CACNA1B: variants seen among roughly 807,000 people sequenced by gnomAD.
CACNA1B encodes the protein calcium voltage-gated channel subunit alpha1 B, also known as voltage-dependent N-type calcium channel subunit alpha-1B.
In CACNA1B, 70 loss-of-function variants were observed where a neutral mutation model predicts 247.2. The ratio of observed to expected loss-of-function variants is 0.28; its 90% CI spans 0.23 to 0.35. CACNA1B has a LOEUF of 0.35. Among genes scored for constraint, CACNA1B ranks in the 10% least tolerant of loss-of-function variants. The pLI, the probability that CACNA1B is intolerant of heterozygous loss-of-function variation, is 1.00. For missense variants in CACNA1B, 2,367 were observed against 3,197.4 expected (o/e 0.74, Z 6.26); for synonymous variants, 1,231 against 1,294.4 (o/e 0.95, Z 1.05).
chr9:137,900,738 CTG>C (rs1306370485), intron 3 of CACNA1B, among the ~76,000 whole-genome samples: 3 of 144,644 alleles, frequency 2.1e-5, no homozygotes, highest in African/African-American at 7.8e-5. Context: ...GTCTCTGTGT[CTG>C]TGCTGTGTGT....
chr9:137,878,756 G>A (rs1448689622), intron 1 of CACNA1B, among the ~76,000 whole-genome samples: 1 of 152,142 alleles, frequency 6.6e-6, no homozygotes, highest in African/African-American at 2.4e-5. Context: ...CCTCCCCTCG[G>A]GGCCCTGGAG....
chr9:138,030,893 T>C (rs1958980042), intron 20 of CACNA1B, among the ~76,000 whole-genome samples: 1 of 152,172 alleles, frequency 6.6e-6, no homozygotes, highest in Admixed American at 6.5e-5. Flanking sequence ...TAGTGGTAAC[T>C]TGTGTCTCAT....
Position 137,914,924 on chromosome 9 carries a change from C to A in CACNA1B, c.775+118C>A. 1 of 1,089,434 alleles carries A rather than the reference C, an allele frequency of 9.2e-7. No individual in the cohort carries two copies. Among genetic ancestry groups the A allele is most frequent in the South Asian group, 1.8e-5 (1 of 55,890 alleles). The allele number at this position is 1,089,434 out of a possible 1,614,324, so 67.5% of individuals were successfully genotyped here. On this transcript the variant is annotated intron_variant, in intron 5 of 46. Coordinates refer to ENST00000371372, the MANE Select transcript of CACNA1B (RefSeq NM_000718.4). This position sits in a 1 kb window ranked among gnomAD's most constrained non-coding sequence, Gnocchi z 4.3. Reference sequence around the variant, plus strand: ...TTGGTGCCAGATACATGAGGTGGAGCTGACATTCTAGTGGGGGACATAGAC... The same window carrying A: ...TTGGTGCCAGATACATGAGGTGGAGATGACATTCTAGTGGGGGACATAGAC...
intron 36 of CACNA1B, among the ~76,000 whole-genome samples, chr9:138,086,354 T>G (rs1482851537): frequency 6.6e-6 from 1 of 151,018 alleles, no homozygotes; most frequent in Non-Finnish European, 1.5e-5. Context: ...CAAAGCAGGC[T>G]TTAAGTCAAA....
At chr9:138,103,713 G>A (rs975989954) in intron 38 of CACNA1B, among the ~76,000 whole-genome samples, 5 of 152,246 alleles carry the variant, frequency 3.3e-5, no homozygotes, top group Non-Finnish European at 1.5e-5. Flanking sequence ...AACGGCCTGT[G>A]GTTCAGCCAA....
chr9:138,058,957 G>T lies in CACNA1B; in HGVS notation c.4474-122G>T. The stretch of plus-strand genomic sequence containing the variant: ...GGAGGACTCGGGGAGAGCAGGAAGG[G>T]GTGTCCCAGGCCTAGGCAGGCATCG... On this transcript the variant is annotated intron_variant, in intron 29 of 46. Coordinates refer to ENST00000371372, the MANE Select transcript of CACNA1B (RefSeq NM_000718.4). This position sits in a 1 kb window ranked among gnomAD's most constrained non-coding sequence, Gnocchi z 4.7. The T allele has an allele frequency of 1.4e-6, 1 of 720,060 alleles. No homozygotes were observed. The highest frequency in any genetic ancestry group is 2.7e-5 in the East Asian group (1 of 36,870). 44.6% of individuals were successfully genotyped at this position (720,060 alleles called of 1,614,324 possible).
At chr9:138,043,969 A>C in intron 21 of CACNA1B, 69 bp downstream of exon 21, 4 of 1,564,004 alleles carry the variant, frequency 2.6e-6, no homozygotes, top group Non-Finnish European at 3.5e-6. Context: ...GTGGGATCTC[A>C]GTAGCCAGCG....
rs140374106 is a variant in CACNA1B, at chr9:138,058,064, C to T, written c.4122C>T (p.Ser1374=). 876 of 1,613,764 alleles carry T rather than the reference C, an allele frequency of 5.4e-4. 12 individuals carry two copies. The East Asian group carries it at 0.018, about 33-fold the overall frequency. The change falls in exon 28 of 47, where the codon TCC becomes TCT. Residue 1374 remains serine, a synonymous_variant. Transcript: ENST00000371372. This position sits in a 1 kb window ranked among gnomAD's most constrained non-coding sequence, Gnocchi z 4.7. ...CTTTGCCCAGGGTGCTGAAACACTC[C>T]GTGGATGCCACCTATGAGGAGCAGG... ...GEGWPMVLKH[S]VDATYEEQGP...
chr9:138,121,025 G>T lies in CACNA1B; in HGVS notation c.6489+144G>T. 1.0e-6 allele frequency: 1 copy of T among 968,862 alleles called. No individual in the cohort carries two copies. The highest frequency in any genetic ancestry group is 1.5e-6 in the Non-Finnish European group (1 of 668,854). The allele number at this position is 968,862 out of a possible 1,614,324, so 60.0% of individuals were successfully genotyped here. A position where few individuals can be genotyped will look rare whatever the true frequency, so the allele number is the denominator to read the frequency against. On this transcript the variant is annotated intron_variant, in intron 46 of 46. Transcript: ENST00000371372. This position sits in a 1 kb window ranked among gnomAD's most constrained non-coding sequence, Gnocchi z 6.8. ...ACCCAAGGGCCGGGCGCTCCCCTCT[G>T]TGCCCTGTCCCGGAGCCCACGTCTG...
intron 31 of CACNA1B, among the ~76,000 whole-genome samples, chr9:138,063,272 C>G (rs767779681): frequency 6.6e-6 from 1 of 152,170 alleles, no homozygotes; most frequent in Non-Finnish European, 1.5e-5. Context: ...GTAGAAAGAT[C>G]ACTTCAGCCT....
intron 15 of CACNA1B, among the ~76,000 whole-genome samples, chr9:138,005,844 C>T (rs1958640884): frequency 6.6e-6 from 1 of 152,044 alleles, no homozygotes; most frequent in Admixed American, 6.5e-5. Context: ...GAGATGGAGA[C>T]CATCCTGGCT....
chr9:137,917,017 GC>G lies in CACNA1B; in HGVS notation c.776-222del, dbSNP rs1957420527. 6.6e-6 allele frequency among the ~76,000 whole-genome samples: 1 copy of G among 152,072 alleles called. No homozygotes were observed. Among genetic ancestry groups the G allele is most frequent in the Non-Finnish European group, 1.5e-5 (1 of 67,996 alleles). ...GGGCAGGTTCCAGTAGGAGGGAGAG[GC>G]CAGCCGTTACTCCCTGAGTTGGTCA... On this transcript the variant is annotated intron_variant, in intron 5 of 46. Transcript: ENST00000371372. The surrounding 1 kb of genome is among the most constrained non-coding windows in gnomAD (Gnocchi z 5.5).
intron 31 of CACNA1B, among the ~76,000 whole-genome samples, chr9:138,061,891 A>G (rs1959738382): frequency 6.6e-6 from 1 of 152,222 alleles, no homozygotes; most frequent in Admixed American, 6.5e-5. Context: ...GATAATCGTC[A>G]GTGGTCATGA....
At chr9:138,029,942 A>G (rs556400563) in intron 20 of CACNA1B, among the ~76,000 whole-genome samples, 3 of 152,164 alleles carry the variant, frequency 2.0e-5, no homozygotes, top group East Asian at 3.9e-4. Flanking sequence ...AAAATTAACT[A>G]TGTAATTTTG....
Position 138,124,186 on chromosome 9 carries a change from GCTGCCAA to G in CACNA1B, c.*2188_*2194del, listed in dbSNP as rs1962190685. The G allele has an allele frequency of 6.6e-6, 1 of 152,132 alleles. No homozygotes were observed. Among genetic ancestry groups the G allele is most frequent in the Non-Finnish European group, 1.5e-5 (1 of 68,032 alleles). 9.4% of individuals were successfully genotyped at this position (152,132 alleles called of 1,614,324 possible). Reference sequence around the variant, plus strand: ...ATATGTCCCCTGAATCTCATAGTGAGCTGCCAAATTTGAAGTGCATCACCCAGTTGTC... The same window carrying G: ...ATATGTCCCCTGAATCTCATAGTGAGATTTGAAGTGCATCACCCAGTTGTC... On this transcript the variant is annotated 3_prime_UTR_variant, in exon 47 of 47. Transcript: ENST00000371372.
intron 18 of CACNA1B, 32 bp from the exon 19 acceptor site, chr9:138,022,979 C>T: frequency 6.9e-7 from 1 of 1,455,228 alleles, no homozygotes; most frequent in Non-Finnish European, 9.0e-7. Flanking sequence ...GGGCGGCAGA[C>T]GGGGCCGCGC....
intron 6 of CACNA1B, among the ~76,000 whole-genome samples, chr9:137,939,710 G>A: frequency 6.6e-6 from 1 of 151,898 alleles, no homozygotes; most frequent in African/African-American, 2.4e-5. Flanking sequence ...GGCTGAGGAA[G>A]GAGAATGGCA....
chr9:138,089,891 A>C (rs879748255), intron 36 of CACNA1B, among the ~76,000 whole-genome samples: 1 of 152,234 alleles, frequency 6.6e-6, no homozygotes, highest in Non-Finnish European at 1.5e-5. Flanking sequence ...GAAATAACTA[A>C]GGAAGTGAAA....
intron 46 of CACNA1B, 93 bp downstream of exon 46, chr9:138,120,974 G>A (rs1034581591): frequency 1.8e-5 from 25 of 1,394,512 alleles, no homozygotes; most frequent in East Asian, 2.6e-5. Flanking sequence ...CCAGGGCCTC[G>A]CTGCTGCCCT....
Sources: allele counts gnomAD v4.1 joint callset (sites outside exome capture counted in the v4.1 genomes callset), GRCh38; gene constraint gnomAD v4.1.1; non-coding constraint Gnocchi (gnomAD v3.1); transcripts MANE v1.5; gene names NCBI Gene and HGNC (gene_info 2026-07-23, HGNC 2026-07-21).